KAZN: variants seen among roughly 807,000 people sequenced by gnomAD.
KAZN encodes the protein kazrin.
In KAZN, 40 loss-of-function variants were observed where a neutral mutation model predicts 87.4. The ratio of observed to expected loss-of-function variants is 0.46; its 90% CI spans 0.36 to 0.60. KAZN has a LOEUF of 0.60. Ranked by LOEUF, KAZN falls within the 20% of genes least tolerant of loss-of-function variation. KAZN has a pLI of 0.00. For synonymous variants in KAZN, 466 were observed against 458.3 expected, an observed-to-expected ratio of 1.02 and a Z score of -0.22; for missense variants, 898 against 1,073.9, an observed-to-expected ratio of 0.84 and a Z score of 2.29.
In KAZN at chr1:14,679,981, G is replaced by C. The variant is rs985298131; in HGVS notation, c.226+80758G>C. Among the ~76,000 whole-genome samples, 9 of 152,298 alleles carry C rather than the reference G, an allele frequency of 5.9e-5. 1 individual carries two copies. In the South Asian group the frequency reaches 1.9e-3, roughly 32 times the overall value. ...AGGCTTTGAGACCAACAGGACAAGAGGGAGAAGGTGGCTGGGGCACAGCTG... is the reference window on the plus strand; with the variant it reads ...AGGCTTTGAGACCAACAGGACAAGACGGAGAAGGTGGCTGGGGCACAGCTG... On this transcript the variant is annotated intron_variant, in intron 1 of 14. Transcript: ENST00000376030.
intron 2 of KAZN, among the ~76,000 whole-genome samples, chr1:14,261,565 G>A (rs1246392271): frequency 6.8e-6 from 1 of 147,668 alleles, no homozygotes. Context: ...ATTCTCCACC[G>A]ACGAGGCACT....
chr1:15,011,532 C>T (rs1669570640), intron 2 of KAZN, among the ~76,000 whole-genome samples: 1 of 152,140 alleles, frequency 6.6e-6, no homozygotes, highest in South Asian at 2.1e-4. Context: ...CTCTGACTCC[C>T]CCTCCCCCAA....
chr1:14,382,530 C>T (rs1004817509), intron 2 of KAZN, among the ~76,000 whole-genome samples: 1 of 137,894 alleles, frequency 7.3e-6, no homozygotes, highest in Non-Finnish European at 1.5e-5. Flanking sequence ...CATGTGTTCT[C>T]ATTGTTCAAT....
At chr1:15,063,100 G>C (rs550934789) in intron 6 of KAZN, 1 of 167,852 alleles carries the variant, frequency 6.0e-6, no homozygotes, top group African/African-American at 2.4e-5. Context: ...CTGCCCCTGC[G>C]CAAACTAAGA....
At chr1:15,012,965 C>A (rs1669726314) in intron 2 of KAZN, among the ~76,000 whole-genome samples, 1 of 152,166 alleles carries the variant, frequency 6.6e-6, no homozygotes, top group South Asian at 2.1e-4. Flanking sequence ...TCCCTCCCAA[C>A]CCAAGGCACC....
In KAZN at chr1:14,627,505, G is replaced by A. The variant is rs115208819; in HGVS notation, c.226+28282G>A. Among the ~76,000 whole-genome samples the A allele has an allele frequency of 5.1e-3, 775 of 152,224 alleles. 13 individuals are homozygous for A. The highest frequency in any genetic ancestry group is 0.018 in the African/African-American group (741 of 41,524). On this transcript the variant is annotated intron_variant, in intron 1 of 14. Coordinates refer to ENST00000376030, the MANE Select transcript of KAZN (RefSeq NM_201628.3). The stretch of plus-strand genomic sequence containing the variant: ...ATCTCACTCAGGACTTAAAAGGCTC[G>A]CTCCTCACTCCCCTCCTATCACTGT...
chr1:13,951,988 G>A (rs1173192705), intron 1 of KAZN, among the ~76,000 whole-genome samples: 1 of 152,114 alleles, frequency 6.6e-6, no homozygotes, highest in African/African-American at 2.4e-5. Flanking sequence ...CTTGAACCAG[G>A]TCAGGCCTGT....
chr1:14,787,158 A>G (rs1004404990), intron 1 of KAZN, among the ~76,000 whole-genome samples: 1 of 152,162 alleles, frequency 6.6e-6, no homozygotes, highest in Non-Finnish European at 1.5e-5. Context: ...TTTACTACCT[A>G]TGTGACCTTG....
In KAZN at chr1:14,127,031, G is replaced by A. The variant is rs55831453; in HGVS notation, c.92-53404G>A. On this transcript the variant is annotated intron_variant, in intron 1 of 16. Transcript: ENST00000636203. ...TGAGGCAGGAGATTCGCTTGAACCCGGGAGGTGGAGGTTGCAGTGAGCCAA... is the reference window on the plus strand; with the variant it reads ...TGAGGCAGGAGATTCGCTTGAACCCAGGAGGTGGAGGTTGCAGTGAGCCAA... Among the ~76,000 whole-genome samples the A allele has an allele frequency of 6.7e-3, 1,027 of 152,268 alleles. 8 individuals are homozygous for A. Among genetic ancestry groups the A allele is most frequent in the Non-Finnish European group, 0.012 (793 of 68,016 alleles).
At chr1:14,964,680 C>T (rs965213841) in intron 2 of KAZN, among the ~76,000 whole-genome samples, 2 of 152,158 alleles carry the variant, frequency 1.3e-5, no homozygotes, top group East Asian at 3.9e-4. Context: ...AGATGTTGGG[C>T]GACGCTTGTT....
chr1:14,053,559 C>T (rs146950748), intron 1 of KAZN, among the ~76,000 whole-genome samples: 6 of 152,306 alleles, frequency 3.9e-5, no homozygotes, highest in African/African-American at 1.4e-4. Context: ...TCTGATGACA[C>T]TTATTGAAAT....
At chr1:14,061,473 C>T (rs900878021) in intron 1 of KAZN, among the ~76,000 whole-genome samples, 11 of 149,028 alleles carry the variant, frequency 7.4e-5, no homozygotes, top group Non-Finnish European at 1.1e-4. Flanking sequence ...CAAGTAGCTG[C>T]GGCATTGAAT....
chr1:14,265,029 A>C (rs889487092), intron 2 of KAZN, among the ~76,000 whole-genome samples: 3 of 152,262 alleles, frequency 2.0e-5, no homozygotes, highest in African/African-American at 4.8e-5. Context: ...TTTTATCTTC[A>C]TATAGTTTAA....
In KAZN at chr1:14,957,519, C is replaced by T. The variant is rs114025209; in HGVS notation, c.227-3165C>T. ...CCCCGCTCTCGGATCCTGTGTCCAC[C>T]AAGCACGCCGCTGGGGAGCGAGTGA... is the stretch of plus-strand genomic sequence containing the variant. On this transcript the variant is annotated intron_variant, in intron 1 of 14. Transcript: ENST00000376030. Among the ~76,000 whole-genome samples, 339 of 152,352 alleles carry T rather than the reference C, an allele frequency of 2.2e-3. 3 individuals carry two copies. Among genetic ancestry groups the T allele is most frequent in the African/African-American group, 7.6e-3 (318 of 41,580 alleles).
chr1:14,277,924 C>G (rs914102652), intron 2 of KAZN, among the ~76,000 whole-genome samples: 2 of 151,976 alleles, frequency 1.3e-5, no homozygotes, highest in African/African-American at 4.8e-5. Context: ...CACAGGAAAA[C>G]AGAAACTCAC....
intron 2 of KAZN, among the ~76,000 whole-genome samples, chr1:14,413,107 T>C (rs1488755520): frequency 6.7e-6 from 1 of 150,340 alleles, no homozygotes; most frequent in Non-Finnish European, 1.5e-5. Context: ...ATTACATATA[T>C]ATGAACTTAA....
At chr1:14,358,978 C>G (rs1659273315) in intron 2 of KAZN, among the ~76,000 whole-genome samples, 1 of 152,092 alleles carries the variant, frequency 6.6e-6, no homozygotes, top group African/African-American at 2.4e-5. Context: ...TCCTGGATAT[C>G]CTTGTTAATT....
intron 1 of KAZN, among the ~76,000 whole-genome samples, chr1:14,622,689 C>CAAAAAAAAAAAAAAAA (rs3087165): frequency 8.8e-6 from 1 of 113,464 alleles, no homozygotes; most frequent in African/African-American, 3.5e-5. Flanking sequence ...GACTCCATCT[C>CAAAAAAAAAAAAAAAA]AAAAAAAAAA....
At chr1:14,775,944 A>T (rs1471213063) in intron 1 of KAZN, among the ~76,000 whole-genome samples, 2 of 152,194 alleles carry the variant, frequency 1.3e-5, no homozygotes, top group Non-Finnish European at 2.9e-5. Context: ...GAACCACCAT[A>T]GTGAGTGTGG....
Sources: allele counts gnomAD v4.1 joint callset (sites outside exome capture counted in the v4.1 genomes callset), GRCh38; gene constraint gnomAD v4.1.1; transcripts MANE v1.5; gene names NCBI Gene and HGNC (gene_info 2026-07-23, HGNC 2026-07-21).